The following KHDRBS3 variants were observed in gnomAD, a reference collection of about 807,000 sequenced individuals.
KHDRBS3 encodes KH RNA binding domain containing, signal transduction associated 3.
In KHDRBS3, 23 loss-of-function variants were observed where a neutral mutation model predicts 45.6. That is an observed-to-expected ratio of 0.50 (90% confidence interval 0.36 to 0.72). The LOEUF (loss-of-function observed/expected upper bound fraction) is 0.72. Among genes scored for constraint, KHDRBS3 ranks in the 30% least tolerant of loss-of-function variants. KHDRBS3 has a pLI of 0.00. For missense variants in KHDRBS3, 352 were observed against 424.8 expected (o/e 0.83, Z 1.51); for synonymous variants, 162 against 156.5 (o/e 1.04, Z -0.26).
chr8:135,488,688 A>G (rs1822989730), intron 1 of KHDRBS3, among the ~76,000 whole-genome samples: 1 of 152,204 alleles, frequency 6.6e-6, no homozygotes, highest in Non-Finnish European at 1.5e-5. Flanking sequence ...TAGACTTCAT[A>G]TTTGATCAGG....
intron 7 of KHDRBS3, among the ~76,000 whole-genome samples, chr8:135,644,349 T>C (rs1831193718): frequency 6.6e-6 from 1 of 152,170 alleles, no homozygotes; most frequent in Non-Finnish European, 1.5e-5. Flanking sequence ...GAAAAGATCC[T>C]TGGCCTCATG....
At chr8:135,580,605 C>CTTT (rs11405340) in intron 5 of KHDRBS3, among the ~76,000 whole-genome samples, 18 of 128,860 alleles carry the variant, frequency 1.4e-4, no homozygotes, top group Non-Finnish European at 1.8e-4. Context: ...CTCTCTCTCT[C>CTTT]TTTTTTTTTT....
intron 1 of KHDRBS3, among the ~76,000 whole-genome samples, chr8:135,518,348 A>AT (rs1254223715): frequency 2.0e-5 from 3 of 151,692 alleles, no homozygotes; most frequent in African/African-American, 4.8e-5. Context: ...AATTTTTTGT[A>AT]TTTTTTAGTA....
intron 8 of KHDRBS3, among the ~76,000 whole-genome samples, chr8:135,645,454 G>T (rs1427145386): frequency 6.6e-6 from 1 of 152,186 alleles, no homozygotes; most frequent in East Asian, 1.9e-4. Flanking sequence ...TCCTGACAGT[G>T]AAGGGAAATG....
Position 135,567,852 on chromosome 8 carries a change from A to G in KHDRBS3, c.611+10265A>G, listed in dbSNP as rs892632894. Among the ~76,000 whole-genome samples the G allele has an allele frequency of 4.6e-5, 7 of 152,352 alleles. No individual in the cohort carries two copies. The East Asian group carries it at 1.3e-3, about 29-fold the overall frequency. Reference sequence around the variant, plus strand: ...GTTTAACCATTTAATTTGCAGGCCTATTGCCTGCTGGAATTAAAAAATTTC... The same window carrying G: ...GTTTAACCATTTAATTTGCAGGCCTGTTGCCTGCTGGAATTAAAAAATTTC... On this transcript the variant is annotated intron_variant, in intron 5 of 8. Coordinates refer to ENST00000355849, the MANE Select transcript of KHDRBS3 (RefSeq NM_006558.3).
At chr8:135,536,269 G>A (rs373623969) in intron 2 of KHDRBS3, among the ~76,000 whole-genome samples, 1 of 68,124 alleles carries the variant, frequency 1.5e-5, no homozygotes, top group African/African-American at 4.6e-5. Flanking sequence ...TTTTATTATT[G>A]TTTAAAAGGT....
chr8:135,471,576 G>A (rs1822016109), intron 1 of KHDRBS3, among the ~76,000 whole-genome samples: 1 of 152,156 alleles, frequency 6.6e-6, no homozygotes, highest in Non-Finnish European at 1.5e-5. Context: ...AAGTGCACAC[G>A]GCACTGTGGT....
At chr8:135,461,826 G>T (rs1295392853) in intron 1 of KHDRBS3, among the ~76,000 whole-genome samples, 1 of 152,210 alleles carries the variant, frequency 6.6e-6, no homozygotes, top group Admixed American at 6.5e-5. Flanking sequence ...AAGTGGAGCT[G>T]AGGATTCAAG....
chr8:135,539,598 GCT>G (rs1207192720), intron 2 of KHDRBS3: 2 of 152,210 alleles, frequency 1.3e-5, no homozygotes, highest in Admixed American at 1.3e-4. Flanking sequence ...TCTGCTGGCT[GCT>G]CTCTTAGGTG....
chr8:135,513,019 T>C (rs1352002532), intron 1 of KHDRBS3, among the ~76,000 whole-genome samples: 1 of 151,894 alleles, frequency 6.6e-6, no homozygotes, highest in Non-Finnish European at 1.5e-5. Flanking sequence ...GAGACCACGG[T>C]GAAACCCCGT....
chr8:135,604,501 C>T (rs1435424206), intron 6 of KHDRBS3, among the ~76,000 whole-genome samples: 1 of 151,098 alleles, frequency 6.6e-6, no homozygotes, highest in Non-Finnish European at 1.5e-5. Flanking sequence ...ACCTTACTTC[C>T]TTCTTTTGTG....
chr8:135,624,073 A>G (rs1830259902), intron 7 of KHDRBS3, among the ~76,000 whole-genome samples: 1 of 152,234 alleles, frequency 6.6e-6, no homozygotes, highest in African/African-American at 2.4e-5. Context: ...TTATCTCCAA[A>G]GAAACTAGTG....
At chr8:135,547,688 ATT>A (rs1826378791) in intron 3 of KHDRBS3, among the ~76,000 whole-genome samples, 1 of 152,176 alleles carries the variant, frequency 6.6e-6, no homozygotes, top group Non-Finnish European at 1.5e-5. Flanking sequence ...TAATTGTGAA[ATT>A]AAAAGGTGGT....
At chr8:135,602,356 G>A (rs746632710) in intron 6 of KHDRBS3, among the ~76,000 whole-genome samples, 9 of 152,098 alleles carry the variant, frequency 5.9e-5, no homozygotes, top group Non-Finnish European at 1.2e-4. Flanking sequence ...TGGCCAAATC[G>A]AACTGTGAAA....
intron 1 of KHDRBS3, among the ~76,000 whole-genome samples, chr8:135,503,461 T>C (rs1188689959): frequency 1.3e-5 from 2 of 152,202 alleles, no homozygotes; most frequent in African/African-American, 2.4e-5. Context: ...GTTCTGTAAC[T>C]TACATCTGAG....
intron 6 of KHDRBS3, among the ~76,000 whole-genome samples, chr8:135,583,587 G>A (rs1828319327): frequency 6.6e-6 from 1 of 152,170 alleles, no homozygotes; most frequent in Admixed American, 6.5e-5. Flanking sequence ...TGCCAGGCAG[G>A]TTGTGTGGGA....
intron 1 of KHDRBS3, among the ~76,000 whole-genome samples, chr8:135,476,519 A>G (rs1822295780): frequency 6.6e-6 from 1 of 152,124 alleles, no homozygotes; most frequent in African/African-American, 2.4e-5. Context: ...CTGTCTTCTC[A>G]TCTTAACACA....
intron 7 of KHDRBS3, among the ~76,000 whole-genome samples, chr8:135,613,499 G>A (rs920590268): frequency 1.3e-5 from 2 of 151,692 alleles, no homozygotes; most frequent in African/African-American, 4.9e-5. Context: ...TGTCCACTCC[G>A]TTGTCTCTGC....
At chr8:135,590,798 T>C (rs1338305801) in intron 6 of KHDRBS3, among the ~76,000 whole-genome samples, 1 of 152,210 alleles carries the variant, frequency 6.6e-6, no homozygotes, top group African/African-American at 2.4e-5. Flanking sequence ...GGGATTCTAA[T>C]CATACTATTC....
Sources: gnomAD v4.1 joint callset for allele counts (sites outside exome capture counted in the v4.1 genomes callset) on GRCh38, gnomAD v4.1.1 for gene constraint, MANE v1.5 for transcripts, NCBI Gene and HGNC (gene_info 2026-07-23, HGNC 2026-07-21) for gene names.